CPA6: variants seen among roughly 807,000 people sequenced by gnomAD.
CPA6 encodes carboxypeptidase B.
In CPA6, 58 loss-of-function variants were observed where a neutral mutation model predicts 63.3. That is an observed-to-expected ratio of 0.92 (90% confidence interval 0.74 to 1.14). The LOEUF (loss-of-function observed/expected upper bound fraction) is 1.14. CPA6 is among the 50% of genes most tolerant of loss of function. The probability of loss-of-function intolerance (pLI) is 0.00; values close to 1 mark genes in which losing one functional copy is unlikely to be tolerated. For missense variants in CPA6, 565 were observed against 526.6 expected, an observed-to-expected ratio of 1.07 and a Z score of -0.71; for synonymous variants, 185 against 179.0, an observed-to-expected ratio of 1.03 and a Z score of -0.27.
At chr8:67,684,592 T>C (rs1024968809) in intron 1 of CPA6, among the ~76,000 whole-genome samples, 3 of 152,134 alleles carry the variant, frequency 2.0e-5, no homozygotes, top group East Asian at 3.9e-4. Flanking sequence ...CAGCTCAAGA[T>C]TGGCCGGATG....
intron 6 of CPA6, among the ~76,000 whole-genome samples, chr8:67,489,690 T>C (rs1227030334): frequency 6.6e-6 from 1 of 152,178 alleles, no homozygotes; most frequent in Non-Finnish European, 1.5e-5. Context: ...ATACTATATG[T>C]GTTCATTGGA....
At chr8:67,742,830 G>A (rs2129004547) in intron 1 of CPA6, among the ~76,000 whole-genome samples, 1 of 152,220 alleles carries the variant, frequency 6.6e-6, no homozygotes. Flanking sequence ...CATGAAGAAG[G>A]CACTCAATAA....
rs573062236 is a variant in CPA6 at position 67,672,392 on chromosome 8, A to C, written c.117-48141T>G. ...TGCCATTATATTCCTGTGCAACCCA[A>C]GTCAGTTCCTCTTCCCATTTTTTCC... On this transcript the variant is annotated intron_variant, in intron 1 of 10. Coordinates refer to ENST00000297770, the MANE Select transcript of CPA6 (RefSeq NM_020361.5). Among the ~76,000 whole-genome samples the C allele has an allele frequency of 1.6e-3, 251 of 152,234 alleles. 1 individual carries two copies. The highest frequency in any genetic ancestry group is 1.7e-3 in the Non-Finnish European group (119 of 68,022).
intron 1 of CPA6, among the ~76,000 whole-genome samples, chr8:67,723,695 CT>C (rs1458978479): frequency 1.3e-5 from 2 of 152,126 alleles, no homozygotes; most frequent in African/African-American, 2.4e-5. Flanking sequence ...ATATTCTCTT[CT>C]GTAAATGGCC....
At chr8:67,454,568 T>A (rs1810628260) in intron 8 of CPA6, among the ~76,000 whole-genome samples, 1 of 152,212 alleles carries the variant, frequency 6.6e-6, no homozygotes, top group Admixed American at 6.5e-5. Context: ...TCTTAATGTT[T>A]TAGGAGTATA....
chr8:67,614,965 G>A (rs565619985), intron 2 of CPA6, among the ~76,000 whole-genome samples: 11 of 152,106 alleles, frequency 7.2e-5, no homozygotes, highest in East Asian at 5.8e-4. Flanking sequence ...TTCCCTATTC[G>A]CCCTGTGCAA....
rs34839522 is a variant in CPA6 at position 67,447,013 on chromosome 8, T to TAC, written c.839-12775_839-12774dup. ...TAAATTACACATTCATATATATATA[T>TAC]ACACACACACATATATATACACACA... On this transcript the variant is annotated intron_variant, in intron 8 of 10. Coordinates refer to ENST00000297770, the MANE Select transcript of CPA6 (RefSeq NM_020361.5). 2.0e-5 allele frequency among the ~76,000 whole-genome samples: 3 copies of TAC among 148,504 alleles called. No individual in the cohort carries two copies. The South Asian group carries it at 6.4e-4, about 31-fold the overall frequency.
rs1308281020 is a variant in CPA6, at chr8:67,475,744, CTTCT to C, written c.838+8020_838+8023del. On this transcript the variant is annotated intron_variant, in intron 8 of 10. Coordinates refer to ENST00000297770, the MANE Select transcript of CPA6 (RefSeq NM_020361.5). ...TCCCTTCTCTTTTTTTCTTTCTTTC[CTTCT>C]TTCTTTTTTTCTTTCTTTCTCTTTC... is the stretch of plus-strand genomic sequence containing the variant. 1.9e-4 allele frequency among the ~76,000 whole-genome samples: 28 copies of C among 145,952 alleles called. 1 individual carries two copies. The highest frequency in any genetic ancestry group is 2.3e-4 in the Non-Finnish European group (15 of 65,726).
rs1181370973 is a variant in CPA6 at position 67,695,045 on chromosome 8, G to A, written c.116+50969C>T. Among the ~76,000 whole-genome samples, 4 of 152,092 alleles carry A rather than the reference G, an allele frequency of 2.6e-5. No homozygotes were observed. In the East Asian group the frequency reaches 7.7e-4, roughly 29 times the overall value. On this transcript the variant is annotated intron_variant, in intron 1 of 10. Transcript: ENST00000297770. The stretch of plus-strand genomic sequence containing the variant: ...TGGGCAAAAAAAATGTGAAGATATT[G>A]GTATCCCTTGTGAATGCTTACCAAA...
chr8:67,446,353 G>A (rs1319716997), intron 8 of CPA6, among the ~76,000 whole-genome samples: 2 of 151,468 alleles, frequency 1.3e-5, no homozygotes, highest in African/African-American at 2.4e-5. Context: ...ATAGAGTCTC[G>A]ATATCTCGTC....
At chr8:67,681,926 T>TA (rs200414034) in intron 1 of CPA6, among the ~76,000 whole-genome samples, 2,726 of 151,086 alleles carry the variant, frequency 0.018, 37 homozygotes, top group Non-Finnish European at 0.027. Flanking sequence ...GTCAATTTCT[T>TA]AAAAAAAAAG....
chr8:67,548,041 G>C (rs1812856562), intron 2 of CPA6, among the ~76,000 whole-genome samples: 1 of 151,906 alleles, frequency 6.6e-6, no homozygotes, highest in Non-Finnish European at 1.5e-5. Context: ...TCTTGTTTTA[G>C]ACCAGGGAAC....
chr8:67,556,212 G>A (rs1051994770), intron 2 of CPA6, among the ~76,000 whole-genome samples: 1 of 152,168 alleles, frequency 6.6e-6, no homozygotes, highest in Non-Finnish European at 1.5e-5. Context: ...TATGGGAGAT[G>A]GGGTTTCTGC....
chr8:67,551,656 T>A (rs889784269), intron 2 of CPA6, among the ~76,000 whole-genome samples: 4 of 152,222 alleles, frequency 2.6e-5, no homozygotes, highest in African/African-American at 7.2e-5. Context: ...TTCTTGAGCA[T>A]GGAATGTTTT....
chr8:67,429,032 C>A (rs529123764), intron 9 of CPA6, among the ~76,000 whole-genome samples: 2 of 152,180 alleles, frequency 1.3e-5, no homozygotes, highest in East Asian at 3.9e-4. Context: ...TTAAGAAACC[C>A]CTTAATTCAG....
chr8:67,623,817 T>G (rs1587645450), intron 2 of CPA6, among the ~76,000 whole-genome samples: 1 of 152,098 alleles, frequency 6.6e-6, no homozygotes, highest in African/African-American at 2.4e-5. Context: ...GCCAGCACTT[T>G]GAGAGGCTGA....
chr8:67,590,358 ATG>A (rs1214109687), intron 2 of CPA6, among the ~76,000 whole-genome samples: 1 of 151,574 alleles, frequency 6.6e-6, no homozygotes, highest in Non-Finnish European at 1.5e-5. Flanking sequence ...ATACGTGTGC[ATG>A]TGTCTTTATA....
intron 1 of CPA6, among the ~76,000 whole-genome samples, chr8:67,667,745 T>C (rs1351924145): frequency 6.6e-6 from 1 of 152,230 alleles, no homozygotes; most frequent in Non-Finnish European, 1.5e-5. Context: ...ATACAAGATA[T>C]GTCTTAGCTT....
intron 2 of CPA6, among the ~76,000 whole-genome samples, chr8:67,544,369 A>G (rs1469755974): frequency 2.0e-5 from 3 of 152,156 alleles, no homozygotes; most frequent in African/African-American, 7.2e-5. Context: ...GATGACTTTC[A>G]TGGCATCTCT....
Sources: allele counts gnomAD v4.1 joint callset (sites outside exome capture counted in the v4.1 genomes callset), GRCh38; gene constraint gnomAD v4.1.1; transcripts MANE v1.5; gene names NCBI Gene and HGNC (gene_info 2026-07-23, HGNC 2026-07-21).